PRKN: variants seen among roughly 807,000 people sequenced by gnomAD.
PRKN encodes parkin RBR E3 ubiquitin protein ligase.
A neutral mutation model predicts 59.5 loss-of-function variants in PRKN; 56 were observed. The ratio of observed to expected loss-of-function variants is 0.94; its 90% CI spans 0.76 to 1.18. The LOEUF is 1.18. PRKN is among the 50% of genes most tolerant of loss of function. PRKN has a pLI of 0.00. For synonymous variants in PRKN, 250 were observed against 222.1 expected, an observed-to-expected ratio of 1.13 and a Z score of -1.12; for missense variants, 657 against 596.4, an observed-to-expected ratio of 1.10 and a Z score of -1.06.
intron 6 of PRKN, among the ~76,000 whole-genome samples, chr6:161,851,028 T>C (rs1009436940): frequency 6.6e-6 from 1 of 152,182 alleles, no homozygotes; most frequent in Non-Finnish European, 1.5e-5. Context: ...AACGATACTT[T>C]ATTGCCATGG....
intron 7 of PRKN, among the ~76,000 whole-genome samples, chr6:161,715,048 C>T (rs1385286795): frequency 6.6e-6 from 1 of 152,182 alleles, no homozygotes; most frequent in Non-Finnish European, 1.5e-5. Flanking sequence ...TAATAACATT[C>T]CTCGTCTACA....
intron 7 of PRKN, among the ~76,000 whole-genome samples, chr6:161,756,221 T>G (rs1788910156): frequency 6.6e-6 from 1 of 152,012 alleles, no homozygotes; most frequent in Non-Finnish European, 1.5e-5. Flanking sequence ...GCAGGCAGAT[T>G]ACTTGATGTC....
intron 1 of PRKN, among the ~76,000 whole-genome samples, chr6:162,725,253 T>C (rs1281845076): frequency 6.6e-6 from 1 of 152,252 alleles, no homozygotes; most frequent in Non-Finnish European, 1.5e-5. Context: ...AGAAGCACTC[T>C]TACCTTTAAC....
chr6:162,272,999 GAAAAAAAA>G (rs548215878), intron 2 of PRKN, among the ~76,000 whole-genome samples: 1 of 55,024 alleles, frequency 1.8e-5, no homozygotes, highest in Admixed American at 2.3e-4. Context: ...GCCTGTGTCT[GAAAAAAAA>G]AAAAAAAAAA....
intron 9 of PRKN, among the ~76,000 whole-genome samples, chr6:161,523,429 T>C (rs928274872): frequency 1.2e-4 from 18 of 152,208 alleles, no homozygotes; most frequent in Admixed American, 1.2e-3. Context: ...AGAGTCTCTC[T>C]AGATAGAGAC....
rs956921765 is a variant in PRKN, at chr6:161,996,313, A to G, written c.619-22896T>C. 2.6e-5 allele frequency among the ~76,000 whole-genome samples: 4 copies of G among 152,190 alleles called. No homozygotes were observed. In the East Asian group the frequency reaches 7.7e-4, roughly 29 times the overall value. ...CCAGGCACTGGACAAATACCTTTCC[A>G]AAGTCAAAGGTGAACATTAATCCCA... On this transcript the variant is annotated intron_variant, in intron 5 of 11. Coordinates refer to ENST00000366898, the MANE Select transcript of PRKN (RefSeq NM_004562.3).
chr6:162,125,654 G>C (rs1781095921), intron 4 of PRKN, among the ~76,000 whole-genome samples: 1 of 152,170 alleles, frequency 6.6e-6, no homozygotes, highest in South Asian at 2.1e-4. Flanking sequence ...TAGTCACTGT[G>C]CAACACATCT....
At position 161,522,824 on chromosome 6, in the gene PRKN, A is replaced by G. The variant is rs140019230; in HGVS notation, c.1083+26030T>C. On this transcript the variant is annotated intron_variant, in intron 9 of 11. Coordinates refer to ENST00000366898, the MANE Select transcript of PRKN (RefSeq NM_004562.3). ...TGTAGGGTACTTCCCTTCTATCTCA[A>G]TCCCATCACAAAGACACAAACAAAA... Among the ~76,000 whole-genome samples, 193 of 152,278 alleles carry G rather than the reference A, an allele frequency of 1.3e-3. 1 individual carries two copies. Among genetic ancestry groups the G allele is most frequent in the African/African-American group, 4.5e-3 (185 of 41,554 alleles).
chr6:162,100,078 A>G (rs1426847530), intron 4 of PRKN, among the ~76,000 whole-genome samples: 1 of 152,222 alleles, frequency 6.6e-6, no homozygotes, highest in Non-Finnish European at 1.5e-5. Context: ...CTTCAGGTTC[A>G]TCCATGTTGT....
At chr6:162,073,258 A>T (rs1361770710) in intron 4 of PRKN, among the ~76,000 whole-genome samples, 1 of 152,176 alleles carries the variant, frequency 6.6e-6, no homozygotes, top group African/African-American at 2.4e-5. Flanking sequence ...ACCACTTTCA[A>T]GTAAAAGTGA....
intron 6 of PRKN, among the ~76,000 whole-genome samples, chr6:161,832,288 A>G (rs1792531509): frequency 2.0e-5 from 3 of 152,172 alleles, no homozygotes; most frequent in African/African-American, 7.2e-5. Flanking sequence ...TCTTGAATAG[A>G]AGTATGGTCA....
chr6:162,454,150 T>G (rs1583599211), intron 1 of PRKN, among the ~76,000 whole-genome samples: 1 of 152,350 alleles, frequency 6.6e-6, no homozygotes, highest in African/African-American at 2.4e-5. Context: ...CTAGGCACAT[T>G]TTAAGTTTCA....
intron 1 of PRKN, among the ~76,000 whole-genome samples, chr6:162,611,131 TTAAG>T (rs1473201940): frequency 6.6e-6 from 1 of 152,198 alleles, no homozygotes; most frequent in Non-Finnish European, 1.5e-5. Flanking sequence ...ATACAATTGC[TTAAG>T]TAAATAAATA....
chr6:161,506,919 C>G (rs568969463), intron 9 of PRKN, among the ~76,000 whole-genome samples: 1 of 152,110 alleles, frequency 6.6e-6, no homozygotes, highest in Non-Finnish European at 1.5e-5. Flanking sequence ...AAGGCTGCCA[C>G]GGAGCCAGGA....
At chr6:162,163,974 G>A (rs1782871944) in intron 4 of PRKN, among the ~76,000 whole-genome samples, 1 of 148,912 alleles carries the variant, frequency 6.7e-6, no homozygotes. Context: ...ATACACACAT[G>A]TGAAACTAAG....
intron 2 of PRKN, among the ~76,000 whole-genome samples, chr6:162,438,181 G>C (rs1298185689): frequency 6.6e-6 from 1 of 152,156 alleles, no homozygotes; most frequent in Non-Finnish European, 1.5e-5. Flanking sequence ...CTCTACTGCA[G>C]TTGCTATTTT....
chr6:162,040,476 G>C (rs979588789), intron 5 of PRKN, among the ~76,000 whole-genome samples: 2 of 151,036 alleles, frequency 1.3e-5, no homozygotes, highest in Non-Finnish European at 2.9e-5. Flanking sequence ...CACGGTCTTG[G>C]CTCACTGCCA....
intron 9 of PRKN, among the ~76,000 whole-genome samples, chr6:161,394,079 G>C (rs1469590865): frequency 6.6e-6 from 1 of 152,188 alleles, no homozygotes; most frequent in Non-Finnish European, 1.5e-5. Context: ...GTCACCAGCC[G>C]CTGATATATG....
At chr6:162,297,339 T>C (rs551715686) in intron 2 of PRKN, among the ~76,000 whole-genome samples, 13 of 152,246 alleles carry the variant, frequency 8.5e-5, no homozygotes, top group South Asian at 4.1e-4. Context: ...GGTAGTAATA[T>C]TGATATATCA....
Sources: gnomAD v4.1 joint callset for allele counts (sites outside exome capture counted in the v4.1 genomes callset) on GRCh38, gnomAD v4.1.1 for gene constraint, MANE v1.5 for transcripts, NCBI Gene and HGNC (gene_info 2026-07-23, HGNC 2026-07-21) for gene names.